Variants in XKR6 observed in about 807,000 individuals in gnomAD.
XKR6 encodes the protein XK related 6.
Under a neutral mutation model 56.7 loss-of-function variants are expected in XKR6, and 22 were observed. The ratio of observed to expected loss-of-function variants is 0.39; its 90% CI spans 0.28 to 0.55. XKR6 has a LOEUF of 0.55. XKR6 is among the 20% of genes least tolerant of loss of function. XKR6 has a pLI of 0.66. For synonymous variants in XKR6, 524 were observed against 387.8 expected, an observed-to-expected ratio of 1.35 and a Z score of -4.13; for missense variants, 852 against 889.0, an observed-to-expected ratio of 0.96 and a Z score of 0.53.
chr8:11,191,934 T>C (rs1803601745), intron 1 of XKR6, among the ~76,000 whole-genome samples: 1 of 152,184 alleles, frequency 6.6e-6, no homozygotes, highest in Non-Finnish European at 1.5e-5. Context: ...CTTTGTAGAA[T>C]GATTCTAAAC....
At chr8:10,967,232 C>A (rs10107105) in intron 1 of XKR6, among the ~76,000 whole-genome samples, 21,770 of 152,194 alleles carry the variant, frequency 0.14, 3,387 homozygotes, top group African/African-American at 0.39. Flanking sequence ...TTTGTGAAAG[C>A]GGTTCACTAT....
intron 1 of XKR6, among the ~76,000 whole-genome samples, chr8:11,128,541 T>C (rs1799942176): frequency 6.6e-6 from 1 of 152,230 alleles, no homozygotes; most frequent in African/African-American, 2.4e-5. Flanking sequence ...TAAGTGGGAC[T>C]GCAGGAAAGC....
chr8:10,937,880 T>C (rs1801260900), intron 1 of XKR6, among the ~76,000 whole-genome samples: 1 of 151,968 alleles, frequency 6.6e-6, no homozygotes, highest in African/African-American at 2.4e-5. Flanking sequence ...CCCCCAGAGG[T>C]GGAGCCTACA....
At chr8:10,943,760 G>T (rs1183063727) in intron 1 of XKR6, among the ~76,000 whole-genome samples, 1 of 152,134 alleles carries the variant, frequency 6.6e-6, no homozygotes, top group South Asian at 2.1e-4. Context: ...TGGTTGACTC[G>T]AGAGGGAGTG....
intron 1 of XKR6, among the ~76,000 whole-genome samples, chr8:10,928,088 G>T (rs1247706556): frequency 6.6e-6 from 1 of 152,198 alleles, no homozygotes; most frequent in Non-Finnish European, 1.5e-5. Context: ...GTACTGGTTT[G>T]CAATATAATT....
chr8:11,136,491 C>T (rs1308494507), intron 1 of XKR6, among the ~76,000 whole-genome samples: 1 of 137,296 alleles, frequency 7.3e-6, no homozygotes, highest in African/African-American at 2.8e-5. Flanking sequence ...GCAACAAAAG[C>T]GAAACTCTGT....
intron 1 of XKR6, among the ~76,000 whole-genome samples, chr8:10,940,207 G>C (rs1027058106): frequency 3.9e-5 from 6 of 152,306 alleles, no homozygotes; most frequent in Middle Eastern, 3.4e-3. Flanking sequence ...CGGGGAGGGA[G>C]GGAAGTGCCT....
chr8:11,110,842 CTT>C (rs535456620), intron 1 of XKR6, among the ~76,000 whole-genome samples: 9 of 144,714 alleles, frequency 6.2e-5, no homozygotes, highest in South Asian at 2.2e-4. Context: ...CTCAACTTTC[CTT>C]TTTTTTTTTT....
Position 10,898,768 on chromosome 8 carries a change from G to A in XKR6, c.1110C>T (p.Ser370=). Residue 370 remains serine (S), a synonymous_variant, in exon 3 of 3, where the codon TCC becomes TCT. Transcript: ENST00000416569. The surrounding 1 kb of genome is among the most constrained non-coding windows in gnomAD (Gnocchi z 6.6). ...QVFWRLFTIS[S]RVISFALFAS... ...CAAAGAGGGCAAAAGAGATCACTCG[G>A]GATGAGATGGTGAAGAGGCGCCAGA... The A allele has an allele frequency of 6.2e-7, 1 of 1,614,166 alleles. No homozygotes were observed. The highest frequency in any genetic ancestry group is 8.5e-7 in the Non-Finnish European group (1 of 1,180,032).
chr8:11,114,977 T>C (rs1036602724), intron 1 of XKR6, among the ~76,000 whole-genome samples: 2 of 152,194 alleles, frequency 1.3e-5, no homozygotes, highest in African/African-American at 2.4e-5. Context: ...AATTAAGTGC[T>C]TGGTATGACA....
intron 1 of XKR6, among the ~76,000 whole-genome samples, chr8:11,082,370 G>A (rs1797754106): frequency 6.6e-6 from 1 of 152,208 alleles, no homozygotes; most frequent in Non-Finnish European, 1.5e-5. Flanking sequence ...GGAAGGGCTT[G>A]GTTAAGACAG....
rs770940734 is a variant in XKR6, at chr8:10,898,945, C to T, written c.962-29G>A. On this transcript the variant is annotated intron_variant, in intron 2 of 2. Coordinates refer to ENST00000416569, the MANE Select transcript of XKR6 (RefSeq NM_173683.4). The surrounding 1 kb of genome is among the most constrained non-coding windows in gnomAD (Gnocchi z 6.6). Reference sequence around the variant, plus strand: ...CCGGAAAGACACAAACCCACACAGTCAAAACCTTGGACATCAACCGCAGGG... The same window carrying T: ...CCGGAAAGACACAAACCCACACAGTTAAAACCTTGGACATCAACCGCAGGG... 6.4e-7 allele frequency: 1 copy of T among 1,564,842 alleles called. No individual in the cohort carries two copies. Among genetic ancestry groups the T allele is most frequent in the East Asian group, 2.2e-5 (1 of 44,512 alleles).
chr8:10,943,758 T>A (rs1801454359), intron 1 of XKR6, among the ~76,000 whole-genome samples: 3 of 152,182 alleles, frequency 2.0e-5, no homozygotes, highest in Admixed American at 1.3e-4. Flanking sequence ...GGTGGTTGAC[T>A]CGAGAGGGAG....
intron 1 of XKR6, among the ~76,000 whole-genome samples, chr8:11,072,424 C>A (rs536621530): frequency 2.0e-5 from 3 of 151,798 alleles, no homozygotes; most frequent in Admixed American, 2.0e-4. Flanking sequence ...GGCTCCACCC[C>A]CTCTCTGTTT....
intron 1 of XKR6, among the ~76,000 whole-genome samples, chr8:11,069,741 C>CT (rs1800070385): frequency 2.0e-5 from 3 of 152,004 alleles, no homozygotes; most frequent in Admixed American, 6.5e-5. Context: ...GATTTCTTTA[C>CT]TGCAGAGCCT....
intron 1 of XKR6, among the ~76,000 whole-genome samples, chr8:10,967,730 C>T (rs1194916977): frequency 6.6e-6 from 1 of 152,228 alleles, no homozygotes; most frequent in Non-Finnish European, 1.5e-5. Context: ...AGCAAGAAAG[C>T]AGGGCAAAGG....
chr8:11,087,917 C>T (rs1031275908), intron 1 of XKR6, among the ~76,000 whole-genome samples: 89 of 152,198 alleles, frequency 5.8e-4, no homozygotes, highest in African/African-American at 2.1e-3. Context: ...ACCTCATCCA[C>T]CCAAAGTTTC....
chr8:10,932,251 T>C (rs893263210), intron 1 of XKR6, among the ~76,000 whole-genome samples: 1 of 152,186 alleles, frequency 6.6e-6, no homozygotes, highest in Admixed American at 6.5e-5. Context: ...GCTCATATAT[T>C]GCAGTGGGAA....
intron 1 of XKR6, among the ~76,000 whole-genome samples, chr8:11,009,385 C>T (rs915524287): frequency 6.6e-6 from 1 of 151,460 alleles, no homozygotes; most frequent in African/African-American, 2.4e-5. Context: ...GTGGTGTGTG[C>T]CTGTAGTCCC....
Sources: allele counts gnomAD v4.1 joint callset (sites outside exome capture counted in the v4.1 genomes callset), GRCh38; gene constraint gnomAD v4.1.1; non-coding constraint Gnocchi (gnomAD v3.1); transcripts MANE v1.5; gene names NCBI Gene and HGNC (gene_info 2026-07-23, HGNC 2026-07-21).